The following CARD10 variants were observed in gnomAD, a reference collection of about 807,000 sequenced individuals.
The protein encoded by CARD10 is caspase recruitment domain family member 10.
Under a neutral mutation model 114.6 loss-of-function variants are expected in CARD10, and 49 were observed. The ratio of observed to expected loss-of-function variants is 0.43; its 90% CI spans 0.34 to 0.54. The LOEUF (loss-of-function observed/expected upper bound fraction) is 0.54. Ranked by LOEUF, CARD10 falls within the 20% of genes least tolerant of loss-of-function variation. The pLI is 0.03. For missense variants in CARD10, 1,206 were observed against 1,397.2 expected (o/e 0.86, Z 2.18); for synonymous variants, 602 against 593.2 (o/e 1.01, Z -0.21).
chr22:37,493,962 G>A lies in CARD10; in HGVS notation c.2476+124C>T, dbSNP rs1922898967. 1.6e-5 allele frequency: 12 copies of A among 756,286 alleles called. No individual in the cohort carries two copies. The South Asian group carries it at 1.8e-4, about 11-fold the overall frequency. 46.8% of individuals were successfully genotyped at this position (756,286 alleles called of 1,614,324 possible). ...GGCCCCCAGCATGACCCCCACTCCT[G>A]TTGGAACCCTCACAACAGGCCCTTC... On this transcript the variant is annotated intron_variant, in intron 16 of 19. Coordinates refer to ENST00000251973, the MANE Select transcript of CARD10 (RefSeq NM_014550.4).
At position 37,501,132 on chromosome 22, in the gene CARD10, C is replaced by CCTCTCT; in HGVS notation, c.1787+1464_1787+1469dup. Among the ~76,000 whole-genome samples the CCTCTCT allele has an allele frequency of 6.6e-6, 1 of 151,750 alleles. No individual in the cohort carries two copies. Among genetic ancestry groups the CCTCTCT allele is most frequent in the South Asian group, 2.1e-4 (1 of 4,796 alleles). ...TCTCCCTCTCCTCTCCGCCTGTCTGCCTCTCTCTCTCTCTTTCTCTCTCTC... is the reference window on the plus strand; with the variant it reads ...TCTCCCTCTCCTCTCCGCCTGTCTGCCTCTCTCTCTCTCTCTCTCTTTCTCTCTCTC... On this transcript the variant is annotated intron_variant, in intron 11 of 19. Coordinates refer to ENST00000251973, the MANE Select transcript of CARD10 (RefSeq NM_014550.4). The surrounding 1 kb of genome is among the most constrained non-coding windows in gnomAD (Gnocchi z 5.4).
At chr22:37,517,696 C>G (rs1416160390) in intron 2 of CARD10, among the ~76,000 whole-genome samples, 1 of 152,028 alleles carries the variant, frequency 6.6e-6, no homozygotes, top group African/African-American at 2.4e-5. Context: ...ACATAAAAAA[C>G]TATACATCTG....
chr22:37,516,198 C>A lies in CARD10; in HGVS notation c.474G>T (p.Gln158His). The A allele has an allele frequency of 6.3e-7, 1 of 1,595,580 alleles. No individual in the cohort carries two copies. The highest frequency in any genetic ancestry group is 8.5e-7 in the Non-Finnish European group (1 of 1,172,118). The change falls in exon 3 of 20, where the codon CAG (glutamine) becomes CAT (histidine). Residue 158 changes from glutamine to histidine, a missense_variant. Around this residue, in one of 2 missense-constraint regions of CARD10, gnomAD observed 1,068 missense variants for 1,179.1 expected, o/e 0.91. Coordinates refer to ENST00000251973, the MANE Select transcript of CARD10 (RefSeq NM_014550.4). Reference sequence around the variant, plus strand: ...CCTCCTCGAGCACCCGGCCCCGGGCCTGCAGTTGCTGCTCCCGCTGCAGCT... The same window carrying A: ...CCTCCTCGAGCACCCGGCCCCGGGCATGCAGTTGCTGCTCCCGCTGCAGCT... The part of the protein sequence containing the change: ...KSQLQREQQL[Q>H]ARGRVLEEER...
Position 37,491,094 on chromosome 22 carries a change from C to T in CARD10, c.*65G>A. 1.5e-6 allele frequency: 2 copies of T among 1,329,858 alleles called. No individual in the cohort carries two copies. The highest frequency in any genetic ancestry group is 2.1e-6 in the Non-Finnish European group (2 of 957,284). 82.4% of individuals were successfully genotyped at this position (1,329,858 alleles called of 1,614,324 possible). A position where few individuals can be genotyped will look rare whatever the true frequency, so the allele number is the denominator to read the frequency against. On this transcript the variant is annotated 3_prime_UTR_variant, in exon 20 of 20. Transcript: ENST00000251973. The stretch of plus-strand genomic sequence containing the variant: ...TAGGAAGGCTCAGGGTGGGAGGGCC[C>T]AGCTTCACCATAGACACCAGGGTCC...
Position 37,511,523 on chromosome 22 carries a change from G to GAAGA in CARD10, c.700-1106_700-1103dup, listed in dbSNP as rs1281224063. ...GAGGAAAGAAGGAAGAAGGAAGAAA[G>GAAGA]AAGAAAGAAAGAAGGAGAAAAAAAA... On this transcript the variant is annotated intron_variant, in intron 3 of 19. Coordinates refer to ENST00000251973, the MANE Select transcript of CARD10 (RefSeq NM_014550.4). Among the ~76,000 whole-genome samples, 26 of 137,432 alleles carry GAAGA rather than the reference G, an allele frequency of 1.9e-4. 1 individual carries two copies. In the East Asian group the frequency reaches 5.8e-3, roughly 31 times the overall value. The allele number at this position is 137,432 out of a possible 152,430, so 90.2% of individuals were successfully genotyped here. A position where few individuals can be genotyped will look rare whatever the true frequency, so the allele number is the denominator to read the frequency against.
intron 1 of CARD10, 145 bp downstream of exon 1, chr22:37,518,821 G>A: frequency 5.1e-6 from 5 of 977,472 alleles, no homozygotes; most frequent in South Asian, 3.7e-5. Context: ...GCAGGCTGGT[G>A]GGCATACCCA....
chr22:37,504,130 C>T (rs556479793), intron 9 of CARD10, 56 bp downstream of exon 9: 6 of 1,275,534 alleles, frequency 4.7e-6, no homozygotes, highest in East Asian at 2.5e-5. Context: ...GGTGGCTGTT[C>T]GGGAAACGGC....
chr22:37,519,380 A>C lies in CARD10; in HGVS notation c.-180T>G, dbSNP rs1923955942. ...AGTCGCCTCGGGCTCCCGGGTCCGCACTCGGGCGGCGGCTCCGCCGGCGCA... is the reference window on the plus strand; with the variant it reads ...AGTCGCCTCGGGCTCCCGGGTCCGCCCTCGGGCGGCGGCTCCGCCGGCGCA... On this transcript the variant is annotated 5_prime_UTR_variant, in exon 1 of 20. Transcript: ENST00000251973. This position sits in a 1 kb window ranked among gnomAD's most constrained non-coding sequence, Gnocchi z 4.1. 2 of 1,213,860 alleles carry C rather than the reference A, an allele frequency of 1.6e-6. No homozygotes were observed. The highest frequency in any genetic ancestry group is 8.7e-5 in the Admixed American group (2 of 22,968). 75.2% of individuals were successfully genotyped at this position (1,213,860 alleles called of 1,614,324 possible). A position where few individuals can be genotyped will look rare whatever the true frequency, so the allele number is the denominator to read the frequency against.
intron 10 of CARD10, 130 bp from the exon 11 acceptor site, chr22:37,502,855 AC>A: frequency 1.8e-6 from 2 of 1,085,678 alleles, no homozygotes; most frequent in Non-Finnish European, 2.6e-6. Context: ...AGCACATCAG[AC>A]CCACTGGGCT....
chr22:37,493,233 T>C (rs1922871396), intron 16 of CARD10, among the ~76,000 whole-genome samples: 1 of 152,134 alleles, frequency 6.6e-6, no homozygotes, highest in South Asian at 2.1e-4. Context: ...CACAGGGCCT[T>C]TGCATGCCCT....
rs182352688 is a variant in CARD10 at position 37,492,134 on chromosome 22, G to A, written c.2752-267C>T. On this transcript the variant is annotated intron_variant, in intron 18 of 19. Coordinates refer to ENST00000251973, the MANE Select transcript of CARD10 (RefSeq NM_014550.4). This position sits in a 1 kb window ranked among gnomAD's most constrained non-coding sequence, Gnocchi z 5.7. ...GCTGACCCAAACCCACCCACCACCC[G>A]CCACCTTATAGCCGACTGCCAGCTC... Among the ~76,000 whole-genome samples the A allele has an allele frequency of 1.1e-4, 16 of 143,412 alleles. No homozygotes were observed. The highest frequency in any genetic ancestry group is 1.0e-3 in the Admixed American group (15 of 14,572). The allele number at this position is 143,412 out of a possible 152,430, so 94.1% of individuals were successfully genotyped here.
At chr22:37,498,662 G>T (rs566539989) in intron 11 of CARD10, among the ~76,000 whole-genome samples, 1 of 152,196 alleles carries the variant, frequency 6.6e-6, no homozygotes, top group Non-Finnish European at 1.5e-5. Flanking sequence ...ATGCAGGCAT[G>T]GGAGGCATCA....
rs1055509128 is a variant in CARD10, at chr22:37,492,956, G to C, written c.2477-154C>G. Among the ~76,000 whole-genome samples, 2 of 152,014 alleles carry C rather than the reference G, an allele frequency of 1.3e-5. No homozygotes were observed. The highest frequency in any genetic ancestry group is 2.4e-5 in the African/African-American group (1 of 41,364). On this transcript the variant is annotated intron_variant, in intron 16 of 19. Coordinates refer to ENST00000251973, the MANE Select transcript of CARD10 (RefSeq NM_014550.4). This position sits in a 1 kb window ranked among gnomAD's most constrained non-coding sequence, Gnocchi z 5.7. ...ACACACACACACCCTTAGTAGGACC[G>C]ACGGTGGCAGTAGGCTCCTCCCTGA...
Position 37,492,356 on chromosome 22 carries a change from G to T in CARD10, c.2751+79C>A, listed in dbSNP as rs73884057. The T allele has an allele frequency of 1.0e-5, 11 of 1,097,932 alleles. No individual in the cohort carries two copies. Among genetic ancestry groups the T allele is most frequent in the African/African-American group, 3.1e-5 (2 of 63,968 alleles). The allele number at this position is 1,097,932 out of a possible 1,614,324, so 68.0% of individuals were successfully genotyped here. A position where few individuals can be genotyped will look rare whatever the true frequency, so the allele number is the denominator to read the frequency against. ...AGCAGAGCATGGCCCGCGCTCAGAC[G>T]CTGGCGCTCAAGCCCAGAACAGCAG... On this transcript the variant is annotated intron_variant, in intron 18 of 19. Transcript: ENST00000251973. This position sits in a 1 kb window ranked among gnomAD's most constrained non-coding sequence, Gnocchi z 5.7.
At position 37,504,653 on chromosome 22, in the gene CARD10, TC is replaced by T. The variant is rs1255948065; in HGVS notation, c.1499del (p.Gly500AspfsTer58). 5.9e-6 allele frequency: 9 copies of T among 1,513,196 alleles called. No individual in the cohort carries two copies. Among genetic ancestry groups the T allele is most frequent in the Admixed American group, 2.2e-5 (1 of 44,526 alleles). 93.7% of individuals were successfully genotyped at this position (1,513,196 alleles called of 1,614,324 possible). Reference protein sequence around the residue: ...EATGEAAVMGGPEPHNSEEAT... With the variant: ...EATGEAAVMGXPEPHNSEEAT... ...GTCTTACCGAGTTGTGAGGCTCAGG[TC>T]CCCCCATGACAGCTGCCTCCCCAGT... On this transcript the variant is annotated frameshift_variant, in exon 8 of 20. Transcript: ENST00000251973. LOFTEE classifies it high-confidence loss of function.
rs1922854694 is a variant in CARD10 at position 37,492,814 on chromosome 22, GA to G, written c.2477-13del. ...GCTCCGCTCCGGCTCTGTGGCAGGG[GA>G]GGGGCGCAAAAGAGATAAGGGCACA... is the stretch of plus-strand genomic sequence containing the variant. On this transcript the variant is annotated splice_polypyrimidine_tract_variant and intron_variant, in intron 16 of 19. Transcript: ENST00000251973. This position sits in a 1 kb window ranked among gnomAD's most constrained non-coding sequence, Gnocchi z 5.7. The G allele has an allele frequency of 5.0e-6, 8 of 1,608,274 alleles. No individual in the cohort carries two copies. Among genetic ancestry groups the G allele is most frequent in the Non-Finnish European group, 6.8e-6 (8 of 1,179,088 alleles).
chr22:37,500,089 C>T (rs970823192), intron 11 of CARD10, among the ~76,000 whole-genome samples: 1 of 152,188 alleles, frequency 6.6e-6, no homozygotes, highest in African/African-American at 2.4e-5. Context: ...GAGTAGTCTG[C>T]GTGCCTGCTT....
rs1397344151 is a variant in CARD10 at position 37,518,066 on chromosome 22, T to C, written c.278A>G (p.Tyr93Cys). The C allele has an allele frequency of 1.2e-6, 2 of 1,613,872 alleles. No homozygotes were observed. The highest frequency in any genetic ancestry group is 4.5e-5 in the East Asian group (2 of 44,892). Residue 93 changes from tyrosine to cysteine, a missense_variant, in exon 2 of 20, where the codon TAT (tyrosine) becomes TGT (cysteine). Around this residue, in one of 2 missense-constraint regions of CARD10, gnomAD observed 138 missense variants for 218.0 expected, o/e 0.63. Coordinates refer to ENST00000251973, the MANE Select transcript of CARD10 (RefSeq NM_014550.4). ...DILRCRGKRG[Y>C]EAFLEALEFY... is the part of the protein sequence containing the mutation. ...CTCCAGGGCTTCCAGGAAGGCCTCA[T>C]AGCCCCTCTTGCCACGGCAGCGCAA...
At chr22:37,494,218 TGA>T in intron 15 of CARD10, 30 bp from the exon 16 acceptor site, 1 of 1,463,540 alleles carries the variant, frequency 6.8e-7, no homozygotes, top group African/African-American at 1.4e-5. Context: ...GAGGAGCATC[TGA>T]GAGCTCAGCC....
Sources: gnomAD v4.1 joint callset for allele counts (sites outside exome capture counted in the v4.1 genomes callset) on GRCh38, gnomAD v4.1.1 for gene constraint, gnomAD v4.1.1 regional missense constraint, Gnocchi (gnomAD v3.1) non-coding constraint, MANE v1.5 for transcripts, NCBI Gene and HGNC (gene_info 2026-07-23, HGNC 2026-07-21) for gene names.